Variants in MUC17 observed in about 807,000 individuals in gnomAD.
The protein encoded by MUC17 is mucin-17.
MUC17 carries 190 observed loss-of-function variants against 170.3 expected under a neutral mutation model. The ratio of observed to expected loss-of-function variants is 1.12; its 90% CI spans 0.99 to 1.26. The LOEUF is 1.26. Among genes scored for constraint, MUC17 ranks in the 50% most tolerant of loss-of-function variants. The probability of loss-of-function intolerance (pLI) is 0.00; values close to 1 mark genes in which losing one functional copy is unlikely to be tolerated. For synonymous variants in MUC17, 2,325 were observed against 2,002.5 expected (o/e 1.16, Z -4.30); for missense variants, 6,415 against 5,530.0 (o/e 1.16, Z -5.08).
At chr7:101,021,770 C>T (rs1794093627) in intron 1 of MUC17, among the ~76,000 whole-genome samples, 1 of 152,184 alleles carries the variant, frequency 6.6e-6, no homozygotes, top group African/African-American at 2.4e-5. Context: ...TTTGGGCAGC[C>T]TCTGACCCTT....
chr7:101,058,220 A>G lies in MUC17; in HGVS notation c.*176A>G, dbSNP rs1409729251. On this transcript the variant is annotated 3_prime_UTR_variant, in exon 13 of 13. Coordinates refer to ENST00000306151, the MANE Select transcript of MUC17 (RefSeq NM_001040105.2). ...AGACAGCAGTGCTGGGAGATTCTCA[A>G]ATAGAAACCCGTGGACGCTCCAATG... 1 of 519,308 alleles carries G rather than the reference A, an allele frequency of 1.9e-6. No individual in the cohort carries two copies. The highest frequency in any genetic ancestry group is 3.0e-5 in the East Asian group (1 of 33,012). The allele number at this position is 519,308 out of a possible 1,614,324, so 32.2% of individuals were successfully genotyped here.
At position 101,036,043 on chromosome 7, in the gene MUC17, A is replaced by G. The variant is rs1356997547; in HGVS notation, c.4627A>G (p.Thr1543Ala). ...SLSTTPAVTS[T>A]PVTTYSQASS... ...TTCAACAACTCCTGCTGTCACCAGC[A>G]CACCTGTGACCACTTATTCTCAAGC... is the stretch of plus-strand genomic sequence containing the variant. The change falls in exon 3 of 13, where the codon ACA becomes GCA. Residue 1543 changes from threonine (T) to alanine (A), a missense_variant. Transcript: ENST00000306151. 2 of 1,612,468 alleles carry G rather than the reference A, an allele frequency of 1.2e-6. No homozygotes were observed. The highest frequency in any genetic ancestry group is 1.7e-6 in the Non-Finnish European group (2 of 1,179,132).
rs371938101 is a variant in MUC17 at position 101,053,369 on chromosome 7, G to A, written c.13296G>A (p.Lys4432=). ...AGTACAGATTGTCTCAGTTATACAAGTGGCAAGAAGAGGACAGTGGACCAG... is the reference window on the plus strand; with the variant it reads ...AGTACAGATTGTCTCAGTTATACAAATGGCAAGAAGAGGACAGTGGACCAG... ...RQKYRLSQLY[K]WQEEDSGPAP... The change falls in exon 11 of 13, where the codon AAG becomes AAA. Residue 4432 remains lysine, a synonymous_variant. Coordinates refer to ENST00000306151, the MANE Select transcript of MUC17 (RefSeq NM_001040105.2). The A allele has an allele frequency of 2.2e-5, 36 of 1,613,994 alleles. No homozygotes were observed. Among genetic ancestry groups the A allele is most frequent in the Non-Finnish European group, 3.0e-5 (35 of 1,180,034 alleles).
chr7:101,038,935 A>G lies in MUC17; in HGVS notation c.7519A>G (p.Ile2507Val), dbSNP rs200633454. 6.3e-4 allele frequency: 1,014 copies of G among 1,613,922 alleles called. 8 individuals carry two copies. In the Middle Eastern group the frequency reaches 6.6e-3, roughly 11 times the overall value. Residue 2507 changes from isoleucine to valine, a missense_variant, in exon 3 of 13, where the codon ATC becomes GTC. Coordinates refer to ENST00000306151, the MANE Select transcript of MUC17 (RefSeq NM_001040105.2). ...PTTAEDIVVP[I>V]STASEGSTLL... ...AACTGCTGAAGATATCGTCGTGCCA[A>G]TCTCAACTGCTAGTGAAGGAAGTAC...
intron 9 of MUC17, 54 bp downstream of exon 9, chr7:101,052,016 C>T (rs935905943): frequency 4.5e-6 from 7 of 1,569,230 alleles, no homozygotes; most frequent in Admixed American, 1.7e-5. Flanking sequence ...GTCCTCCCCT[C>T]CCCTGCAGGG....
intron 11 of MUC17, among the ~76,000 whole-genome samples, chr7:101,055,867 CA>C (rs1260415349): frequency 2.6e-5 from 4 of 152,090 alleles, no homozygotes; most frequent in Admixed American, 2.6e-4. Flanking sequence ...AAAACAAAAA[CA>C]AAAATCCCGT....
chr7:101,049,204 T>G, intron 5 of MUC17, 120 bp from the exon 6 acceptor site: 1 of 1,484,400 alleles, frequency 6.7e-7, no homozygotes, highest in Non-Finnish European at 9.4e-7. Flanking sequence ...ACCACTCCAT[T>G]TGATGAGTGT....
In MUC17 at chr7:101,040,028, T is replaced by C. The variant is rs778564645; in HGVS notation, c.8612T>C (p.Leu2871Ser). The part of the protein sequence containing the change: ...ISTASEGSTL[L>S]TSIPVSTTPV... ...ACTGCTAGTGAAGGAAGTACTCTAT[T>C]AACAAGTATACCTGTCAGCACCACG... The change falls in exon 3 of 13, where the codon TTA becomes TCA. Residue 2871 changes from leucine (L) to serine (S), a missense_variant. Leu to Ser is a moderately radical substitution (Grantham distance 145). Coordinates refer to ENST00000306151, the MANE Select transcript of MUC17 (RefSeq NM_001040105.2). 1 of 1,612,802 alleles carries C rather than the reference T, an allele frequency of 6.2e-7. No individual in the cohort carries two copies. Among genetic ancestry groups the C allele is most frequent in the Non-Finnish European group, 8.5e-7 (1 of 1,179,664 alleles).
chr7:101,034,196 C>T lies in MUC17; in HGVS notation c.2780C>T (p.Thr927Ile), dbSNP rs779603001. Residue 927 changes from threonine to isoleucine, a missense_variant, in exon 3 of 13, where the codon ACA (threonine) becomes ATA (isoleucine). Physicochemically the swap from Thr to Ile is moderately conservative, Grantham distance 89. Transcript: ENST00000306151. ...CCTGGGGAAGGAAGCACTCCATTAA[C>T]AAGTATGCCTGACAGCACCACGCCG... ...STPGEGSTPL[T>I]SMPDSTTPVV... 2.5e-6 allele frequency: 4 copies of T among 1,586,754 alleles called. No homozygotes were observed. The Admixed American group carries it at 5.1e-5, about 20-fold the overall frequency.
chr7:101,053,045 A>G lies in MUC17; in HGVS notation c.13163A>G (p.Lys4388Arg). ...SGETCNQGTQ[K>R]SLVYGLVGAG... ...GAGACCTGTAACCAGGGCACCCAGA[A>G]GAGTCTGGTGTACGGCCTCGTGGGG... The change falls in exon 10 of 13, where the codon AAG becomes AGG. Residue 4388 changes from lysine (K) to arginine (R), a missense_variant. By Grantham distance (26) the Lys-to-Arg change is conservative. Coordinates refer to ENST00000306151, the MANE Select transcript of MUC17 (RefSeq NM_001040105.2). 1.2e-6 allele frequency: 2 copies of G among 1,614,156 alleles called. No homozygotes were observed. Among genetic ancestry groups the G allele is most frequent in the Admixed American group, 1.7e-5 (1 of 60,014 alleles).
Position 101,040,091 on chromosome 7 carries a change from C to G in MUC17, c.8675C>G (p.Thr2892Ser). The G allele has an allele frequency of 6.2e-7, 1 of 1,613,076 alleles. No individual in the cohort carries two copies. The highest frequency in any genetic ancestry group is 8.5e-7 in the Non-Finnish European group (1 of 1,179,566). Reference sequence around the variant, plus strand: ...TCTGAGGCTAGCACCCTTTCAACAACTCCTGTTGATACCAGCATACCTGTC... The same window carrying G: ...TCTGAGGCTAGCACCCTTTCAACAAGTCCTGTTGATACCAGCATACCTGTC... ...ASSEASTLST[T>S]PVDTSIPVTT... Residue 2892 changes from threonine (T) to serine (S), a missense_variant, in exon 3 of 13, where the codon ACT becomes AGT. Transcript: ENST00000306151.
chr7:101,056,453 T>C (rs916700133), intron 12 of MUC17, among the ~76,000 whole-genome samples, 183 bp downstream of exon 12: 4 of 152,178 alleles, frequency 2.6e-5, no homozygotes, highest in African/African-American at 9.7e-5. Context: ...AAAAGCTAAG[T>C]AGCAAGGTGG....
chr7:101,022,019 A>G lies in MUC17; in HGVS notation c.82+1802A>G, dbSNP rs548363723. On this transcript the variant is annotated intron_variant, in intron 1 of 12. Transcript: ENST00000306151. ...ATCACAGATGCCCTCTCATCCCTAC[A>G]CCCAGCATGAGGGCCACCAAGGCTT... Among the ~76,000 whole-genome samples the G allele has an allele frequency of 2.0e-5, 3 of 151,928 alleles. No homozygotes were observed. In the East Asian group the frequency reaches 5.8e-4, roughly 29 times the overall value.
intron 3 of MUC17, among the ~76,000 whole-genome samples, chr7:101,044,693 T>C (rs1327649058): frequency 6.6e-6 from 1 of 152,248 alleles, no homozygotes; most frequent in Non-Finnish European, 1.5e-5. Context: ...TGCCATGATG[T>C]TATTAACTCT....
In MUC17 at chr7:101,033,558, C is replaced by T. The variant is rs1318769484; in HGVS notation, c.2142C>T (p.Asp714=). The change falls in exon 3 of 13, where the codon GAC becomes GAT. Residue 714 remains aspartate, a synonymous_variant. Coordinates refer to ENST00000306151, the MANE Select transcript of MUC17 (RefSeq NM_001040105.2). ...GCACCCTTTCAACAACTCCTGTTGA[C>T]ACCAGCACACCTGTGACCACTTCAA... ...EASTLSTTPV[D]TSTPVTTSTE... The T allele has an allele frequency of 1.2e-6, 2 of 1,614,018 alleles. No homozygotes were observed. The highest frequency in any genetic ancestry group is 2.7e-5 in the African/African-American group (2 of 74,936).
rs1225594151 is a variant in MUC17 at position 101,034,628 on chromosome 7, C to G, written c.3212C>G (p.Thr1071Arg). 1 of 1,606,812 alleles carries G rather than the reference C, an allele frequency of 6.2e-7. No homozygotes were observed. The highest frequency in any genetic ancestry group is 8.5e-7 in the Non-Finnish European group (1 of 1,174,610). Reference protein sequence around the residue: ...TLSTTPADTSTPVTTYSQASS... With the variant: ...TLSTTPADTSRPVTTYSQASS... ...TCAACAACTCCTGCTGACACCAGCA[C>G]ACCTGTGACCACTTATTCTCAAGCC... is the stretch of plus-strand genomic sequence containing the variant. The change falls in exon 3 of 13, where the codon ACA becomes AGA. Residue 1071 changes from threonine to arginine, a missense_variant. Thr to Arg is a moderately conservative substitution (Grantham distance 71). Coordinates refer to ENST00000306151, the MANE Select transcript of MUC17 (RefSeq NM_001040105.2).
In MUC17 at chr7:101,042,466, A is replaced by G. The variant is rs1794743671; in HGVS notation, c.11050A>G (p.Met3684Val). The G allele has an allele frequency of 1.9e-6, 3 of 1,613,124 alleles. No individual in the cohort carries two copies. The highest frequency in any genetic ancestry group is 2.5e-6 in the Non-Finnish European group (3 of 1,179,728). ...TCCTGTGACTCCTGAAGGTACCACC[A>G]TGCCAATCTGGACGCCTAGTGAAGG... The part of the protein sequence containing the change: ...SSPVTPEGTT[M>V]PIWTPSEGST... The change falls in exon 3 of 13, where the codon ATG (methionine) becomes GTG (valine). Residue 3684 changes from methionine (M) to valine (V), a missense_variant. Transcript: ENST00000306151.
intron 8 of MUC17, 46 bp from the exon 9 acceptor site, chr7:101,051,757 C>A (rs780657678): frequency 1.2e-6 from 2 of 1,606,112 alleles, no homozygotes; most frequent in Admixed American, 1.7e-5. Flanking sequence ...AGTGTCCCCC[C>A]AGCCCTCTGA....
Position 101,031,208 on chromosome 7 carries a change from G to C in MUC17, c.171G>C (p.Gln57His). The change falls in exon 2 of 13, where the codon CAG becomes CAC. Residue 57 changes from glutamine (Q) to histidine (H), a missense_variant. Coordinates refer to ENST00000306151, the MANE Select transcript of MUC17 (RefSeq NM_001040105.2). ...VLNRQCQQLS[Q>H]HVRTGSAANT... is the part of the protein sequence containing the mutation. Reference sequence around the variant, plus strand: ...ACCGTCAGTGCCAGCAGCTGTCTCAGCACGTTAGGACAGGTAAGGCAACAG... The same window carrying C: ...ACCGTCAGTGCCAGCAGCTGTCTCACCACGTTAGGACAGGTAAGGCAACAG... 6.2e-7 allele frequency: 1 copy of C among 1,613,274 alleles called. No homozygotes were observed. Among genetic ancestry groups the C allele is most frequent in the Middle Eastern group, 1.7e-4 (1 of 6,060 alleles).
Sources: gnomAD v4.1 joint callset for allele counts (sites outside exome capture counted in the v4.1 genomes callset) on GRCh38, gnomAD v4.1.1 for gene constraint, MANE v1.5 for transcripts, NCBI Gene and HGNC (gene_info 2026-07-23, HGNC 2026-07-21) for gene names.